Variants in SND1 observed in about 807,000 individuals in gnomAD.
SND1 encodes the protein staphylococcal nuclease and tudor domain containing 1.
Under a neutral mutation model 121.7 loss-of-function variants are expected in SND1, and 38 were observed. The ratio of observed to expected loss-of-function variants is 0.31; its 90% CI spans 0.24 to 0.41. The LOEUF (loss-of-function observed/expected upper bound fraction) is 0.41, where lower values mean the gene tolerates loss of function less well. SND1 is among the 10% of genes least tolerant of loss of function. The pLI is 1.00. For synonymous variants in SND1, 401 were observed against 447.4 expected (o/e 0.90, Z 1.31); for missense variants, 868 against 1,184.6 (o/e 0.73, Z 3.92).
intron 12 of SND1, 99 bp from the exon 13 acceptor site, chr7:127,887,803 A>G: frequency 1.4e-6 from 1 of 705,090 alleles, no homozygotes; most frequent in Non-Finnish European, 2.5e-6. Context: ...TCCCTCTGCC[A>G]GAATGCGTTA....
intron 10 of SND1, 64 bp downstream of exon 10, chr7:127,721,464 T>C: frequency 3.4e-6 from 3 of 882,924 alleles, no homozygotes; most frequent in East Asian, 2.5e-5. Context: ...GGAGAATTGA[T>C]TAATATATGA....
At chr7:127,885,256 C>G (rs970187379) in intron 12 of SND1, among the ~76,000 whole-genome samples, 2 of 152,064 alleles carry the variant, frequency 1.3e-5, no homozygotes, top group Non-Finnish European at 2.9e-5. Context: ...GATGGTGTAT[C>G]ACATGGGGAA....
At chr7:127,993,381 G>A (rs1048745604) in intron 16 of SND1, among the ~76,000 whole-genome samples, 2 of 152,226 alleles carry the variant, frequency 1.3e-5, no homozygotes, top group Admixed American at 1.3e-4. Context: ...TAGCAGAAGA[G>A]GAAAGTCCCA....
chr7:127,675,851 G>T (rs1347590891), intron 1 of SND1, among the ~76,000 whole-genome samples: 1 of 152,138 alleles, frequency 6.6e-6, no homozygotes, highest in Non-Finnish European at 1.5e-5. Context: ...AGTTCTTCCT[G>T]AGTTGTTCTG....
intron 16 of SND1, chr7:128,030,178 G>T: frequency 6.2e-7 from 1 of 1,614,208 alleles, no homozygotes; most frequent in Non-Finnish European, 8.5e-7. Flanking sequence ...GGGTTGTTGC[G>T]AAGCCAGAGC....
chr7:127,831,705 C>G (rs1023239383), intron 11 of SND1, among the ~76,000 whole-genome samples: 1 of 152,164 alleles, frequency 6.6e-6, no homozygotes, highest in Non-Finnish European at 1.5e-5. Context: ...GGTGAAGACC[C>G]TGCTTGTGAG....
chr7:127,660,326 G>A (rs973888131), intron 1 of SND1, among the ~76,000 whole-genome samples: 11 of 152,174 alleles, frequency 7.2e-5, no homozygotes, highest in African/African-American at 2.7e-4. Flanking sequence ...GAGAGAGGAG[G>A]CAACTTAGGG....
chr7:127,970,877 G>A (rs1400663829), intron 15 of SND1, among the ~76,000 whole-genome samples: 2 of 151,998 alleles, frequency 1.3e-5, no homozygotes, highest in African/African-American at 4.8e-5. Flanking sequence ...TGGGAGGCCT[G>A]GGTGAGAGGA....
intron 14 of SND1, among the ~76,000 whole-genome samples, chr7:127,924,495 T>C (rs1800791389): frequency 6.6e-6 from 1 of 152,184 alleles, no homozygotes; most frequent in African/African-American, 2.4e-5. Context: ...TGCCTACTAT[T>C]TGGGGACTTT....
intron 10 of SND1, among the ~76,000 whole-genome samples, chr7:127,745,648 A>G (rs756838322): frequency 6.6e-6 from 1 of 152,236 alleles, no homozygotes; most frequent in Non-Finnish European, 1.5e-5. Context: ...GATTAGGTGC[A>G]TATGACTTTG....
chr7:127,667,310 G>C (rs1203638859), intron 1 of SND1, among the ~76,000 whole-genome samples: 1 of 152,242 alleles, frequency 6.6e-6, no homozygotes, highest in African/African-American at 2.4e-5. Context: ...CTGAAGAAGA[G>C]TAAATGCAGT....
At chr7:127,897,835 G>GT (rs543166341) in intron 13 of SND1, among the ~76,000 whole-genome samples, 10 of 151,734 alleles carry the variant, frequency 6.6e-5, no homozygotes, top group South Asian at 4.2e-4. Flanking sequence ...CTTAAACGGT[G>GT]TTTTTTTTCT....
intron 14 of SND1, among the ~76,000 whole-genome samples, chr7:127,908,314 AT>A (rs1563054613): frequency 4.1e-5 from 5 of 122,704 alleles, no homozygotes; most frequent in Admixed American, 1.8e-4. Flanking sequence ...AAAAATAATA[AT>A]AAATGTGTGT....
chr7:127,971,568 C>G (rs1801986629), intron 15 of SND1, among the ~76,000 whole-genome samples: 1 of 152,044 alleles, frequency 6.6e-6, no homozygotes, highest in African/African-American at 2.4e-5. Context: ...AAAATACATA[C>G]AAAGATGTTC....
chr7:127,696,331 C>A (rs1291506362), intron 3 of SND1, among the ~76,000 whole-genome samples: 1 of 152,114 alleles, frequency 6.6e-6, no homozygotes, highest in Non-Finnish European at 1.5e-5. Flanking sequence ...TCTTTTTAGT[C>A]TCCCAGAAAA....
intron 14 of SND1, among the ~76,000 whole-genome samples, chr7:127,911,383 CA>C (rs1032694555): frequency 6.6e-6 from 1 of 151,942 alleles, no homozygotes; most frequent in Non-Finnish European, 1.5e-5. Flanking sequence ...TTTTTTATTT[CA>C]AAAAAATAGA....
chr7:127,798,104 A>AT (rs1798059119), intron 10 of SND1, among the ~76,000 whole-genome samples: 1 of 152,152 alleles, frequency 6.6e-6, no homozygotes. Context: ...CAGGGTGTGC[A>AT]GGTACCTGTG....
chr7:128,088,940 AAG>A (rs1793730353), intron 21 of SND1, among the ~76,000 whole-genome samples: 1 of 152,104 alleles, frequency 6.6e-6, no homozygotes, highest in South Asian at 2.1e-4. Flanking sequence ...GTAGGAAAGA[AAG>A]GGGTCACTTG....
chr7:127,919,107 A>G (rs1800647130), intron 14 of SND1, among the ~76,000 whole-genome samples: 1 of 152,220 alleles, frequency 6.6e-6, no homozygotes, highest in Non-Finnish European at 1.5e-5. Context: ...CTTTCACTTA[A>G]GGTTTATTGA....
Sources: allele counts gnomAD v4.1 joint callset (sites outside exome capture counted in the v4.1 genomes callset), GRCh38; gene constraint gnomAD v4.1.1; transcripts MANE v1.5; gene names NCBI Gene and HGNC (gene_info 2026-07-23, HGNC 2026-07-21).